Variants in RBFOX1 observed in about 807,000 individuals in gnomAD.
RBFOX1 encodes the protein RNA binding protein fox-1 homolog 1.
In RBFOX1, 8 loss-of-function variants were observed where a neutral mutation model predicts 57.7. That is an observed-to-expected ratio of 0.14 (90% CI 0.08 to 0.25). The LOEUF is 0.25. RBFOX1 is among the 10% of genes least tolerant of loss of function. The pLI, the probability that RBFOX1 is intolerant of heterozygous loss-of-function variation, is 1.00. For synonymous variants in RBFOX1, 326 were observed against 222.4 expected (o/e 1.47, Z -4.15); for missense variants, 611 against 548.5 (o/e 1.11, Z -1.14).
intron 1 of RBFOX1, among the ~76,000 whole-genome samples, chr16:5,331,247 G>A (rs114225207): frequency 1.9e-3 from 294 of 152,310 alleles, no homozygotes; most frequent in East Asian, 0.013. Flanking sequence ...TGCTAAATTC[G>A]TTCATCACCA....
At chr16:6,834,430 T>C (rs2092938101) in intron 3 of RBFOX1, among the ~76,000 whole-genome samples, 1 of 151,970 alleles carries the variant, frequency 6.6e-6, no homozygotes, top group African/African-American at 2.4e-5. Context: ...AGAACACTTG[T>C]TTGGGAGGGG....
chr16:7,541,444 A>C (rs2082907471), intron 5 of RBFOX1, among the ~76,000 whole-genome samples: 1 of 151,058 alleles, frequency 6.6e-6, no homozygotes, highest in African/African-American at 2.5e-5. Flanking sequence ...GGATCTCATT[A>C]GTGTTTGTTT....
chr16:5,851,750 T>C (rs1284138044), intron 3 of RBFOX1, among the ~76,000 whole-genome samples: 2 of 152,224 alleles, frequency 1.3e-5, no homozygotes, highest in Admixed American at 6.5e-5. Flanking sequence ...AAAAGAGTCA[T>C]TGTTCATGTC....
At chr16:6,116,720 T>C (rs1312118465) in intron 1 of RBFOX1, among the ~76,000 whole-genome samples, 1 of 152,222 alleles carries the variant, frequency 6.6e-6, no homozygotes, top group Admixed American at 6.5e-5. Flanking sequence ...GGGCTTCTTG[T>C]TATTTGCAAG....
intron 2 of RBFOX1, among the ~76,000 whole-genome samples, chr16:6,549,767 A>G (rs1339551757): frequency 6.6e-6 from 1 of 152,096 alleles, no homozygotes. Flanking sequence ...CTCTGACTAA[A>G]TGAAATAGGC....
At chr16:7,504,507 T>A (rs980823518) in intron 4 of RBFOX1, among the ~76,000 whole-genome samples, 1 of 150,496 alleles carries the variant, frequency 6.6e-6, no homozygotes, top group Non-Finnish European at 1.5e-5. Flanking sequence ...CCACCATAAC[T>A]CTCACAAATA....
chr16:6,887,770 C>T (rs1326141839), intron 3 of RBFOX1, among the ~76,000 whole-genome samples: 2 of 151,744 alleles, frequency 1.3e-5, no homozygotes, highest in South Asian at 2.1e-4. Context: ...TCAAGTGATT[C>T]TCCAGCCTCA....
chr16:6,712,065 C>A (rs13380654), intron 3 of RBFOX1, among the ~76,000 whole-genome samples: 1 of 152,124 alleles, frequency 6.6e-6, no homozygotes, highest in Non-Finnish European at 1.5e-5. Flanking sequence ...AAAGATATTT[C>A]TGTGTGGTGT....
At chr16:6,173,463 A>G (rs2096977380) in intron 1 of RBFOX1, among the ~76,000 whole-genome samples, 1 of 152,108 alleles carries the variant, frequency 6.6e-6, no homozygotes, top group Non-Finnish European at 1.5e-5. Flanking sequence ...GTGCATGTGC[A>G]CACATAGACA....
intron 3 of RBFOX1, among the ~76,000 whole-genome samples, chr16:6,845,466 GT>G (rs1465916118): frequency 1.3e-5 from 2 of 152,016 alleles, no homozygotes; most frequent in Non-Finnish European, 2.9e-5. Flanking sequence ...TTTTTGTCAG[GT>G]TTGTCAAAGA....
intron 2 of RBFOX1, among the ~76,000 whole-genome samples, chr16:6,431,896 G>GCTTGCTTGCTTTCTTTCTTTCTTT (rs1491277692): frequency 1.1e-4 from 14 of 128,196 alleles, no homozygotes; most frequent in South Asian, 5.6e-4. Context: ...TTGCTTGCTT[G>GCTTGCTTGCTTTCTTTCTTTCTTT]CTTTCTTTCT....
At chr16:5,766,894 C>G (rs1436268766) in intron 3 of RBFOX1, among the ~76,000 whole-genome samples, 1 of 152,238 alleles carries the variant, frequency 6.6e-6, no homozygotes, top group South Asian at 2.1e-4. Context: ...GCAAAGTCCT[C>G]TCATTTTTAA....
At chr16:7,567,891 CTA>C (rs1459163298) in intron 5 of RBFOX1, among the ~76,000 whole-genome samples, 2 of 10,082 alleles carry the variant, frequency 2.0e-4, no homozygotes, top group Non-Finnish European at 7.5e-4. Flanking sequence ...ATATGTATAC[CTA>C]TGTATATATA....
At chr16:6,067,427 A>C (rs1257739918) in intron 1 of RBFOX1, among the ~76,000 whole-genome samples, 1 of 152,212 alleles carries the variant, frequency 6.6e-6, no homozygotes, top group Non-Finnish European at 1.5e-5. Flanking sequence ...AATACAAGCG[A>C]ATGCCTGGAT....
chr16:6,575,887 A>AAATG (rs2097427486), intron 2 of RBFOX1, among the ~76,000 whole-genome samples: 1 of 151,356 alleles, frequency 6.6e-6, no homozygotes, highest in South Asian at 2.1e-4. Flanking sequence ...ATAAATAAAT[A>AAATG]AATAAATAAA....
At chr16:5,785,215 G>C (rs1276744311) in intron 3 of RBFOX1, among the ~76,000 whole-genome samples, 3 of 152,190 alleles carry the variant, frequency 2.0e-5, no homozygotes, top group African/African-American at 7.2e-5. Flanking sequence ...TCTCTTCTCA[G>C]TGAAGGCACT....
chr16:6,163,890 A>C (rs1378329261), intron 1 of RBFOX1, among the ~76,000 whole-genome samples: 3 of 152,164 alleles, frequency 2.0e-5, no homozygotes, highest in African/African-American at 4.8e-5. Flanking sequence ...TGGTTGTCAG[A>C]CGTTGCCTCT....
intron 1 of RBFOX1, among the ~76,000 whole-genome samples, chr16:5,338,455 A>T (rs1238685550): frequency 1.3e-5 from 2 of 152,180 alleles, no homozygotes; most frequent in African/African-American, 4.8e-5. Context: ...AATGAAGAAG[A>T]TCTGGAGAGA....
chr16:6,691,803 C>T (rs183437074), intron 3 of RBFOX1, among the ~76,000 whole-genome samples: 1 of 152,186 alleles, frequency 6.6e-6, no homozygotes, highest in East Asian at 1.9e-4. Flanking sequence ...TCCAGATAGG[C>T]TCGATGTCAT....
Sources: gnomAD v4.1 joint callset for allele counts (sites outside exome capture counted in the v4.1 genomes callset) on GRCh38, gnomAD v4.1.1 for gene constraint, MANE v1.5 for transcripts, NCBI Gene and HGNC (gene_info 2026-07-23, HGNC 2026-07-21) for gene names.